The following NALCN variants were observed in gnomAD, a reference collection of about 807,000 sequenced individuals.
NALCN encodes sodium leak channel, non-selective, also known as sodium leak channel NALCN.
Under a neutral mutation model 225.3 loss-of-function variants are expected in NALCN, and 111 were observed. The observed-to-expected ratio is 0.49, with a 90% confidence interval of 0.42 to 0.58. The LOEUF is 0.58. Ranked by LOEUF, NALCN falls within the 20% of genes least tolerant of loss-of-function variation. The pLI is 0.00. For synonymous variants in NALCN, 764 were observed against 769.0 expected, an observed-to-expected ratio of 0.99 and a Z score of 0.11; for missense variants, 1,378 against 2,202.4, an observed-to-expected ratio of 0.63 and a Z score of 7.49.
intron 10 of NALCN, among the ~76,000 whole-genome samples, chr13:101,276,981 C>T (rs1275886501): frequency 2.0e-5 from 3 of 151,776 alleles, no homozygotes; most frequent in African/African-American, 7.3e-5. Flanking sequence ...TGTATATACA[C>T]ATATACATAT....
chr13:101,064,113 G>A (rs960768893), intron 40 of NALCN, among the ~76,000 whole-genome samples: 10 of 152,142 alleles, frequency 6.6e-5, no homozygotes, highest in Admixed American at 3.9e-4. Flanking sequence ...CAGAAGCACT[G>A]GTGAGCATAA....
chr13:101,203,388 G>A (rs1485462397), intron 13 of NALCN, among the ~76,000 whole-genome samples: 2 of 152,034 alleles, frequency 1.3e-5, no homozygotes, highest in African/African-American at 4.8e-5. Context: ...GCTGACTTTT[G>A]TATTTTTTAG....
chr13:101,333,671 AG>A (rs1272274789), intron 7 of NALCN, among the ~76,000 whole-genome samples: 1 of 152,228 alleles, frequency 6.6e-6, no homozygotes, highest in East Asian at 1.9e-4. Context: ...GGTCTTCATT[AG>A]CCTTGAGGTA....
upstream of NALCN, among the ~76,000 whole-genome samples, chr13:101,416,781 C>G (rs577129801): frequency 6.6e-6 from 1 of 150,748 alleles, no homozygotes; most frequent in African/African-American, 2.4e-5. Context: ...GGGGGTCTTT[C>G]GTACTCAACA....
intron 27 of NALCN, among the ~76,000 whole-genome samples, chr13:101,098,521 T>G (rs2034636001): frequency 6.6e-6 from 1 of 152,180 alleles, no homozygotes; most frequent in African/African-American, 2.4e-5. Context: ...TCATGACATC[T>G]GTTGAGTTTT....
chr13:101,347,632 G>A (rs2045782531), intron 6 of NALCN, among the ~76,000 whole-genome samples: 1 of 152,074 alleles, frequency 6.6e-6, no homozygotes. Flanking sequence ...TAAGGAGACT[G>A]GGCTTCTGAG....
chr13:101,294,970 C>T (rs751563176), intron 7 of NALCN, among the ~76,000 whole-genome samples: 1 of 152,096 alleles, frequency 6.6e-6, no homozygotes, highest in Non-Finnish European at 1.5e-5. Flanking sequence ...GGTTACAACA[C>T]AAATTCTCAG....
intron 1 of NALCN, among the ~76,000 whole-genome samples, chr13:101,409,397 G>A (rs1480056934): frequency 6.6e-6 from 1 of 152,066 alleles, no homozygotes. Flanking sequence ...GATCTCTCGA[G>A]CTCACTCATC....
At chr13:101,101,921 C>T (rs1158170823) in intron 26 of NALCN, among the ~76,000 whole-genome samples, 1 of 152,178 alleles carries the variant, frequency 6.6e-6, no homozygotes, top group Non-Finnish European at 1.5e-5. Flanking sequence ...GATTCATATA[C>T]ATTAGCAGTC....
chr13:101,309,914 A>C (rs950935833), intron 7 of NALCN, among the ~76,000 whole-genome samples: 5 of 152,226 alleles, frequency 3.3e-5, no homozygotes, highest in Non-Finnish European at 7.3e-5. Context: ...CGAGATCCTC[A>C]TATTTCCCCT....
chr13:101,323,960 A>T (rs1395467544), intron 7 of NALCN, among the ~76,000 whole-genome samples: 3 of 152,190 alleles, frequency 2.0e-5, no homozygotes, highest in Non-Finnish European at 4.4e-5. Context: ...CTCTATGTAG[A>T]GAGGCACTGA....
chr13:101,086,006 T>C (rs1205432429), intron 30 of NALCN, among the ~76,000 whole-genome samples: 1 of 152,134 alleles, frequency 6.6e-6, no homozygotes, highest in Non-Finnish European at 1.5e-5. Flanking sequence ...TAATTTTCTA[T>C]ACCTATAACA....
chr13:101,090,753 G>T (rs2034189941), intron 28 of NALCN, among the ~76,000 whole-genome samples: 1 of 152,056 alleles, frequency 6.6e-6, no homozygotes, highest in Admixed American at 6.5e-5. Flanking sequence ...ACACGTGCAG[G>T]CTTGTTACAT....
rs543328763 is a variant in NALCN, at chr13:101,198,146, T to A, written c.1627-6092A>T. Among the ~76,000 whole-genome samples, 10 of 152,150 alleles carry A rather than the reference T, an allele frequency of 6.6e-5. No individual in the cohort carries two copies. The South Asian group carries it at 2.1e-3, about 32-fold the overall frequency. On this transcript the variant is annotated intron_variant, in intron 13 of 43. Coordinates refer to ENST00000251127, the MANE Select transcript of NALCN (RefSeq NM_052867.4). ...ATCTTATGCAAAAATTAATTCAAGA[T>A]GGAATAAAGACTTAAATGTCAGACA...
At chr13:101,238,810 T>C (rs559428031) in intron 11 of NALCN, among the ~76,000 whole-genome samples, 2 of 151,942 alleles carry the variant, frequency 1.3e-5, no homozygotes, top group Non-Finnish European at 2.9e-5. Context: ...TCTAGACTAA[T>C]GTGGAGTATC....
chr13:101,414,813 G>A (rs10508067), intron 1 of NALCN, among the ~76,000 whole-genome samples: 18,248 of 152,048 alleles, frequency 0.12, 1,339 homozygotes, highest in African/African-American at 0.2. Context: ...TATCAGTGAC[G>A]GCACATTTAT....
intron 7 of NALCN, among the ~76,000 whole-genome samples, chr13:101,299,739 A>G (rs180888033): frequency 1.4e-4 from 22 of 152,274 alleles, no homozygotes; most frequent in Admixed American, 9.8e-4. Context: ...TATTGCAATT[A>G]TTAGTTTTTA....
At chr13:101,214,188 C>G (rs1316631310) in intron 13 of NALCN, among the ~76,000 whole-genome samples, 1 of 151,862 alleles carries the variant, frequency 6.6e-6, no homozygotes, top group African/African-American at 2.4e-5. Context: ...AGCAAACTAT[C>G]GCAAGGACAG....
intron 11 of NALCN, among the ~76,000 whole-genome samples, chr13:101,255,398 G>A (rs952299324): frequency 2.0e-5 from 3 of 152,106 alleles, no homozygotes; most frequent in African/African-American, 7.2e-5. Context: ...TGCCAGTGTG[G>A]AGGGCCTATT....
Sources: allele counts gnomAD v4.1 joint callset (sites outside exome capture counted in the v4.1 genomes callset), GRCh38; gene constraint gnomAD v4.1.1; transcripts MANE v1.5; gene names NCBI Gene and HGNC (gene_info 2026-07-23, HGNC 2026-07-21).